Variants in MARK3 observed in about 807,000 individuals in gnomAD.
MARK3 encodes the protein MAP/microtubule affinity-regulating kinase 3.
MARK3 carries 46 observed loss-of-function variants against 90.1 expected under a neutral mutation model. The ratio of observed to expected loss-of-function variants is 0.51; its 90% CI spans 0.40 to 0.65. The LOEUF is 0.65. Among genes scored for constraint, MARK3 ranks in the 30% least tolerant of loss-of-function variants. The pLI is 0.00. For missense variants in MARK3, 818 were observed against 947.2 expected (o/e 0.86, Z 1.79); for synonymous variants, 321 against 332.6 (o/e 0.97, Z 0.38).
chr14:103,424,286 A>G (rs1310546019), intron 2 of MARK3, among the ~76,000 whole-genome samples: 2 of 151,932 alleles, frequency 1.3e-5, no homozygotes, highest in African/African-American at 4.8e-5. Flanking sequence ...TAATCCTAGC[A>G]CTTCGGGAGG....
chr14:103,477,841 A>C (rs1337553843), intron 13 of MARK3, among the ~76,000 whole-genome samples: 2 of 152,004 alleles, frequency 1.3e-5, no homozygotes, highest in Non-Finnish European at 2.9e-5. Context: ...TTAAAAAGAA[A>C]ATAGCTGAGC....
At chr14:103,434,919 A>G (rs768043901) in intron 3 of MARK3, among the ~76,000 whole-genome samples, 53 of 152,146 alleles carry the variant, frequency 3.5e-4, no homozygotes, top group Non-Finnish European at 6.5e-4. Flanking sequence ...CCCCTCAAGC[A>G]CCAGACACCT....
intron 2 of MARK3, among the ~76,000 whole-genome samples, chr14:103,414,827 G>A (rs1047655005): frequency 1.4e-4 from 21 of 152,192 alleles, no homozygotes; most frequent in African/African-American, 4.3e-4. Context: ...CAAGGATGTC[G>A]TGAACATAAA....
intron 4 of MARK3, among the ~76,000 whole-genome samples, chr14:103,451,436 G>C (rs1651278482): frequency 6.6e-6 from 1 of 152,094 alleles, no homozygotes; most frequent in Admixed American, 6.5e-5. Flanking sequence ...AAGGAACCTT[G>C]TTCTTTGAAA....
At chr14:103,387,959 T>C (rs754516200) in intron 1 of MARK3, among the ~76,000 whole-genome samples, 1 of 150,400 alleles carries the variant, frequency 6.6e-6, no homozygotes, top group Non-Finnish European at 1.5e-5. Context: ...TGAGATGGAG[T>C]CTGGCTCTGT....
At chr14:103,403,439 T>C (rs753907347) in intron 1 of MARK3, among the ~76,000 whole-genome samples, 2 of 152,122 alleles carry the variant, frequency 1.3e-5, no homozygotes, top group East Asian at 1.9e-4. Context: ...ATTTCCCTTA[T>C]TTTTAACCTT....
intron 6 of MARK3, among the ~76,000 whole-genome samples, chr14:103,460,901 C>T (rs1191589926): frequency 2.0e-5 from 3 of 152,008 alleles, no homozygotes; most frequent in Non-Finnish European, 2.9e-5. Flanking sequence ...GCTCTAAAAC[C>T]CGTTTTTTGG....
chr14:103,497,697 T>TACCA (rs2075424285), intron 15 of MARK3, among the ~76,000 whole-genome samples: 1 of 152,216 alleles, frequency 6.6e-6, no homozygotes, highest in African/African-American at 2.4e-5. Context: ...GTGATTTATG[T>TACCA]CATACCACTG....
intron 2 of MARK3, among the ~76,000 whole-genome samples, chr14:103,408,889 A>G (rs998595442): frequency 2.6e-5 from 4 of 152,250 alleles, no homozygotes; most frequent in Middle Eastern, 3.4e-3. Flanking sequence ...TGGAATCTGT[A>G]AACAGCTTGT....
At chr14:103,425,249 A>AT (rs376880922) in intron 2 of MARK3, among the ~76,000 whole-genome samples, 15 of 146,748 alleles carry the variant, frequency 1.0e-4, no homozygotes, top group African/African-American at 3.3e-4. Flanking sequence ...CTATTTATTT[A>AT]TTATTTATTT....
chr14:103,458,454 C>CAAAAAAAA (rs36020485), intron 6 of MARK3, among the ~76,000 whole-genome samples: 1 of 30,766 alleles, frequency 3.3e-5, no homozygotes, highest in African/African-American at 1.2e-4. Context: ...GACTCCATCT[C>CAAAAAAAA]AAAAAAAAAA....
At chr14:103,390,595 G>A (rs1380311276) in intron 1 of MARK3, among the ~76,000 whole-genome samples, 1 of 152,106 alleles carries the variant, frequency 6.6e-6, no homozygotes, top group Non-Finnish European at 1.5e-5. Flanking sequence ...TAAAAAAACT[G>A]CAAAAAAAAT....
At chr14:103,465,518 TG>T in intron 7 of MARK3, 38 bp from the exon 8 acceptor site, 1 of 1,401,744 alleles carries the variant, frequency 7.1e-7, no homozygotes, top group South Asian at 1.2e-5. Context: ...AATTCTATTT[TG>T]GCTAAATTTC....
chr14:103,494,798 G>A (rs956276502), intron 15 of MARK3, among the ~76,000 whole-genome samples: 1 of 151,904 alleles, frequency 6.6e-6, no homozygotes, highest in African/African-American at 2.4e-5. Flanking sequence ...CATCGCGCCT[G>A]GCTAATTTTT....
At position 103,503,282 on chromosome 14, in the gene MARK3, A is replaced by T. The variant is rs2075771504; in HGVS notation, c.*55A>T. 2.3e-6 allele frequency: 3 copies of T among 1,330,970 alleles called. No homozygotes were observed. The Admixed American group carries it at 6.0e-5, about 27-fold the overall frequency. 82.4% of individuals were successfully genotyped at this position (1,330,970 alleles called of 1,614,324 possible). On this transcript the variant is annotated 3_prime_UTR_variant, in exon 18 of 18. Transcript: ENST00000429436. Reference sequence around the variant, plus strand: ...AATTAAAGTGTTTTCCTGAACACTGATGGAAATGTATAGAATAATATTTAG... The same window carrying T: ...AATTAAAGTGTTTTCCTGAACACTGTTGGAAATGTATAGAATAATATTTAG...
chr14:103,475,339 T>A (rs2093696244), intron 13 of MARK3, 129 bp downstream of exon 13: 1 of 683,872 alleles, frequency 1.5e-6, no homozygotes, highest in South Asian at 1.9e-5. Flanking sequence ...CCATGCCCAA[T>A]CTTAACTTAC....
intron 6 of MARK3, among the ~76,000 whole-genome samples, chr14:103,460,839 A>G (rs1319094249): frequency 6.6e-6 from 1 of 152,240 alleles, no homozygotes; most frequent in African/African-American, 2.4e-5. Flanking sequence ...TTACTTTTCA[A>G]GTTTTCATGC....
chr14:103,470,906 C>T (rs1362151349), intron 12 of MARK3, among the ~76,000 whole-genome samples: 1 of 152,156 alleles, frequency 6.6e-6, no homozygotes, highest in East Asian at 1.9e-4. Context: ...ATTTCTCTTC[C>T]TTCTGTTGCT....
At chr14:103,397,208 G>C (rs7149767) in intron 1 of MARK3, among the ~76,000 whole-genome samples, 2 of 151,744 alleles carry the variant, frequency 1.3e-5, no homozygotes, top group African/African-American at 2.4e-5. Context: ...CTATTCCCCC[G>C]TTAGCACCCC....
Sources: allele counts gnomAD v4.1 joint callset (sites outside exome capture counted in the v4.1 genomes callset), GRCh38; gene constraint gnomAD v4.1.1; transcripts MANE v1.5; gene names NCBI Gene and HGNC (gene_info 2026-07-23, HGNC 2026-07-21).